PCDH11X: variants seen among roughly 807,000 people sequenced by gnomAD.
The protein encoded by PCDH11X is protocadherin-11 X-linked.
A neutral mutation model predicts 53.3 loss-of-function variants in PCDH11X; 18 were observed. The ratio of observed to expected loss-of-function variants is 0.34; its 90% CI spans 0.23 to 0.50. The LOEUF (loss-of-function observed/expected upper bound fraction) is 0.50. Ranked by LOEUF, PCDH11X falls within the 20% of genes least tolerant of loss-of-function variation. The pLI is 0.98. For missense variants in PCDH11X, 570 were observed against 1,032.4 expected (o/e 0.55, Z 6.14); for synonymous variants, 279 against 393.3 (o/e 0.71, Z 3.44).
At chrX:91,822,169 C>A (rs1269776409) in intron 4 of PCDH11X, among the ~76,000 whole-genome samples, 2 of 110,219 alleles carry the variant, frequency 1.8e-5, no homozygotes, top group African/African-American at 3.4e-5. Flanking sequence ...GCTTTGGTAT[C>A]AGAATGATGC....
intron 8 of PCDH11X, among the ~76,000 whole-genome samples, chrX:92,311,901 G>A (rs1029452827): frequency 9.0e-6 from 1 of 111,257 alleles, no homozygotes; most frequent in Admixed American, 9.6e-5. Context: ...GGAAGCAGTA[G>A]GATATTAAGT....
At chrX:92,340,458 G>A (rs2069728315) in intron 8 of PCDH11X, among the ~76,000 whole-genome samples, 1 of 112,213 alleles carries the variant, frequency 8.9e-6, no homozygotes, top group African/African-American at 3.2e-5. Flanking sequence ...GGAGCACTCA[G>A]GCTTATTCAT....
chrX:92,279,011 G>A (rs182649156), intron 8 of PCDH11X, among the ~76,000 whole-genome samples: 1,869 of 109,907 alleles, frequency 0.017, 23 homozygotes, highest in Non-Finnish European at 0.028. Flanking sequence ...GGGTTTCTCC[G>A]TGTTGGTCAG....
chrX:92,264,087 T>G (rs1466201393), intron 8 of PCDH11X, among the ~76,000 whole-genome samples: 1 of 112,174 alleles, frequency 8.9e-6, no homozygotes, highest in Non-Finnish European at 1.9e-5. Flanking sequence ...TTATTCTAGC[T>G]TAAGAAACCA....
intron 10 of PCDH11X, among the ~76,000 whole-genome samples, chrX:92,521,568 G>A (rs1246013975): frequency 1.8e-5 from 2 of 112,259 alleles, no homozygotes; most frequent in Non-Finnish European, 3.8e-5. Flanking sequence ...TGGTCAATGA[G>A]CACTGGTTTC....
At chrX:92,164,696 A>G (rs1238470770) in intron 6 of PCDH11X, among the ~76,000 whole-genome samples, 5 of 108,017 alleles carry the variant, frequency 4.6e-5, no homozygotes, top group Admixed American at 1.0e-4. Context: ...AATTCTATAT[A>G]TATTATCATG....
chrX:91,955,939 G>A (rs2061702760), intron 6 of PCDH11X, among the ~76,000 whole-genome samples: 1 of 109,942 alleles, frequency 9.1e-6, no homozygotes, highest in Non-Finnish European at 1.9e-5. Context: ...GAACCTGGGT[G>A]TTCCTATATT....
intron 6 of PCDH11X, among the ~76,000 whole-genome samples, chrX:91,900,017 TA>T (rs1940895081): frequency 9.0e-6 from 1 of 111,192 alleles, no homozygotes. Flanking sequence ...GGACCATTTG[TA>T]GTCCTGCCTG....
At chrX:91,919,151 C>T (rs1941663645) in intron 6 of PCDH11X, among the ~76,000 whole-genome samples, 1 of 111,540 alleles carries the variant, frequency 9.0e-6, no homozygotes, top group African/African-American at 3.2e-5. Flanking sequence ...TAAGAGACAG[C>T]TCTATAAATA....
chrX:92,535,441 T>C (rs1276438084), intron 10 of PCDH11X, among the ~76,000 whole-genome samples: 14 of 110,833 alleles, frequency 1.3e-4, no homozygotes, highest in Non-Finnish European at 2.3e-4. Context: ...AAATACCGCA[T>C]GTTCTCACTT....
At chrX:92,001,106 G>A (rs1032439437) in intron 6 of PCDH11X, among the ~76,000 whole-genome samples, 14 of 108,503 alleles carry the variant, frequency 1.3e-4, no homozygotes, top group African/African-American at 4.0e-4. Context: ...CAGTAGGATT[G>A]CAAGATCATA....
chrX:92,258,462 G>A (rs1487847870), intron 7 of PCDH11X, among the ~76,000 whole-genome samples: 1 of 108,139 alleles, frequency 9.2e-6, no homozygotes. Flanking sequence ...CCACCTCCTG[G>A]GCTCATGCCA....
chrX:91,890,523 T>A (rs1432430577), intron 6 of PCDH11X, among the ~76,000 whole-genome samples: 1 of 110,605 alleles, frequency 9.0e-6, no homozygotes, highest in African/African-American at 3.3e-5. Context: ...AATTGATTTT[T>A]GTTATCTAAG....
intron 6 of PCDH11X, among the ~76,000 whole-genome samples, chrX:92,124,403 G>T (rs2064824865): frequency 9.1e-6 from 1 of 109,936 alleles, no homozygotes; most frequent in Admixed American, 9.9e-5. Context: ...AAATTAGCTG[G>T]ACGTGGTGGT....
intron 10 of PCDH11X, among the ~76,000 whole-genome samples, chrX:92,514,596 T>C (rs1328172635): frequency 1.9e-5 from 2 of 105,222 alleles, no homozygotes; most frequent in Non-Finnish European, 3.9e-5. Context: ...CTGGGTGTGG[T>C]GGCGTGCACC....
intron 6 of PCDH11X, among the ~76,000 whole-genome samples, chrX:92,034,962 A>C (rs943852940): frequency 1.8e-5 from 2 of 110,067 alleles, no homozygotes; most frequent in Non-Finnish European, 3.8e-5. Flanking sequence ...ATATCATCTT[A>C]TAACCCATTA....
At chrX:92,017,530 C>A (rs2062815064) in intron 6 of PCDH11X, among the ~76,000 whole-genome samples, 1 of 61,488 alleles carries the variant, frequency 1.6e-5, no homozygotes. Context: ...AAAACCTTGT[C>A]TCTATAAAAA....
chrX:91,837,636 A>T (rs1937351127), intron 5 of PCDH11X, among the ~76,000 whole-genome samples: 1 of 111,853 alleles, frequency 8.9e-6, no homozygotes, highest in Non-Finnish European at 1.9e-5. Context: ...CTTAGTATGG[A>T]GTAGACATAC....
intron 6 of PCDH11X, among the ~76,000 whole-genome samples, chrX:92,098,154 A>T (rs1465934797): frequency 9.0e-6 from 1 of 110,614 alleles, no homozygotes; most frequent in Admixed American, 9.7e-5. Context: ...TATCTTATTG[A>T]TCCTAGGGAT....
Sources: allele counts gnomAD v4.1 joint callset (sites outside exome capture counted in the v4.1 genomes callset), GRCh38; gene constraint gnomAD v4.1.1; transcripts MANE v1.5; gene names NCBI Gene and HGNC (gene_info 2026-07-23, HGNC 2026-07-21).